The following PCNT variants were observed in gnomAD, a reference collection of about 807,000 sequenced individuals.
PCNT encodes the protein pericentrin, also known as kendrin.
PCNT carries 319 observed loss-of-function variants against 380.4 expected under a neutral mutation model. The observed-to-expected ratio is 0.84, with a 90% CI of 0.77 to 0.92. The LOEUF (loss-of-function observed/expected upper bound fraction) is 0.92, where lower values mean the gene tolerates loss of function less well. PCNT is among the 40% of genes least tolerant of loss of function. PCNT has a pLI of 0.00. For synonymous variants in PCNT, 1,845 were observed against 1,735.2 expected, an observed-to-expected ratio of 1.06 and a Z score of -1.57; for missense variants, 4,400 against 4,255.3, an observed-to-expected ratio of 1.03 and a Z score of -0.95.
At chr21:46,358,506 G>A (rs971235871) in intron 13 of PCNT, among the ~76,000 whole-genome samples, 6 of 152,270 alleles carry the variant, frequency 3.9e-5, no homozygotes, top group East Asian at 1.9e-4. Flanking sequence ...CAGGCGGTAG[G>A]TGGGCCGATG....
intron 13 of PCNT, among the ~76,000 whole-genome samples, chr21:46,360,520 C>CTT (rs35679282): frequency 0.034 from 4,109 of 122,618 alleles, 160 homozygotes; most frequent in Non-Finnish European, 0.042. Flanking sequence ...ACTGCGCCGG[C>CTT]TTTTTTTTTT....
At position 46,346,143 on chromosome 21, in the gene PCNT, T is replaced by C. The variant is rs148896544; in HGVS notation, c.655T>C (p.Cys219Arg). The change falls in exon 4 of 47, where the codon TGT (cysteine) becomes CGT (arginine). Residue 219 changes from cysteine to arginine, a missense_variant. Coordinates refer to ENST00000359568, the MANE Select transcript of PCNT (RefSeq NM_006031.6). ...TTTTCCCCAGGAGTGTGAACAAGAA[T>C]GTGAACTTGCCATTACTGACCTGGA... ...GMFTKECEQE[C>R]ELAITDLESG... 6 of 1,614,046 alleles carry C rather than the reference T, an allele frequency of 3.7e-6. No individual in the cohort carries two copies. The Admixed American group carries it at 1.0e-4, about 27-fold the overall frequency.
chr21:46,430,323 G>GGGCCGCAGTTGGGC, intron 36 of PCNT, 91 bp downstream of exon 36: 2 of 1,425,510 alleles, frequency 1.4e-6, no homozygotes, highest in Non-Finnish European at 1.9e-6. Flanking sequence ...AACCTCTGGT[G>GGGCCGCAGTTGGGC]GGCCGCAGTT....
chr21:46,356,746 T>C (rs1314813858), intron 12 of PCNT, among the ~76,000 whole-genome samples: 1 of 152,210 alleles, frequency 6.6e-6, no homozygotes, highest in Non-Finnish European at 1.5e-5. Context: ...AGGACATCCC[T>C]GTGACTCGGG....
In PCNT at chr21:46,437,063, C is replaced by A; in HGVS notation, c.9081C>A (p.Ser3027Arg). 1.9e-6 allele frequency: 3 copies of A among 1,613,622 alleles called. No individual in the cohort carries two copies. In the South Asian group the frequency reaches 3.3e-5, roughly 18 times the overall value. Residue 3027 changes from serine to arginine, a missense_variant, in exon 40 of 47, where the codon AGC becomes AGA. Coordinates refer to ENST00000359568, the MANE Select transcript of PCNT (RefSeq NM_006031.6). ...HTLEELKSDLSRPTSSQKKMA... is the reference protein window; with the variant it reads ...HTLEELKSDLRRPTSSQKKMA... ...TGGAGGAGCTGAAGTCTGACTTGAG[C>A]AGGCCCACCTCCTCCCAGGTAAGGG...
chr21:46,402,601 C>T, intron 27 of PCNT, 118 bp downstream of exon 27: 1 of 1,075,942 alleles, frequency 9.3e-7, no homozygotes, highest in Non-Finnish European at 1.4e-6. Context: ...GCCCGTGGCC[C>T]CCATGTGGCA....
intron 16 of PCNT, among the ~76,000 whole-genome samples, chr21:46,385,574 C>T (rs2085801008): frequency 6.6e-6 from 1 of 152,202 alleles, no homozygotes; most frequent in South Asian, 2.1e-4. Flanking sequence ...ATCAGCACCT[C>T]GTTCACCTTT....
intron 42 of PCNT, 86 bp from the exon 43 acceptor site, chr21:46,440,769 G>A: frequency 1.2e-6 from 1 of 852,570 alleles, no homozygotes; most frequent in East Asian, 2.4e-5. Context: ...CTGACTCTTT[G>A]GAAAGAGCAA....
At position 46,445,607 on chromosome 21, in the gene PCNT, A is replaced by G. The variant is rs1261702940; in HGVS notation, c.*280A>G. The G allele has an allele frequency of 3.8e-5, 18 of 470,782 alleles. No homozygotes were observed. Among genetic ancestry groups the G allele is most frequent in the African/African-American group, 1.9e-5 (1 of 51,620 alleles). The allele number at this position is 470,782 out of a possible 1,614,324, so 29.2% of individuals were successfully genotyped here. The stretch of plus-strand genomic sequence containing the variant: ...CCTGGCTGTGTGCTGTTGTGTGCCT[A>G]TCGGCAGATCCATCCTTCCTGCCTC... On this transcript the variant is annotated 3_prime_UTR_variant, in exon 47 of 47. Coordinates refer to ENST00000359568, the MANE Select transcript of PCNT (RefSeq NM_006031.6).
chr21:46,338,356 G>C (rs1283312837), intron 3 of PCNT, among the ~76,000 whole-genome samples: 1 of 152,072 alleles, frequency 6.6e-6, no homozygotes, highest in Non-Finnish European at 1.5e-5. Context: ...TTTGTTCTAT[G>C]GTTTTGCCTT....
chr21:46,358,609 GTTGTTGTT>G (rs1188714845), intron 13 of PCNT, among the ~76,000 whole-genome samples: 4 of 150,274 alleles, frequency 2.7e-5, no homozygotes, highest in South Asian at 4.2e-4. Flanking sequence ...TTTTGTTGTT[GTTGTTGTT>G]TTGTTGTTTT....
At chr21:46,330,305 G>A (rs1006140960) in intron 2 of PCNT, among the ~76,000 whole-genome samples, 1 of 152,070 alleles carries the variant, frequency 6.6e-6, no homozygotes, top group Non-Finnish European at 1.5e-5. Flanking sequence ...AATTTGTAGA[G>A]ACAGTGTTAC....
rs1224309152 is a variant in PCNT at position 46,395,941 on chromosome 21, TAG to T, written c.4217-1320_4217-1319del. Among the ~76,000 whole-genome samples, 4 of 151,608 alleles carry T rather than the reference TAG, an allele frequency of 2.6e-5. No homozygotes were observed. In the East Asian group the frequency reaches 7.8e-4, roughly 29 times the overall value. On this transcript the variant is annotated intron_variant, in intron 21 of 46. Transcript: ENST00000359568. ...CATCTCAGAAATAATAGTAATAAAATAGAGACTTCAGGACTCAGCAGCAGGCA... is the reference window on the plus strand; with the variant it reads ...CATCTCAGAAATAATAGTAATAAAATAGACTTCAGGACTCAGCAGCAGGCA...
At chr21:46,358,623 GTTTTGTTTTTTTT>G (rs900975764) in intron 13 of PCNT, among the ~76,000 whole-genome samples, 5 of 128,094 alleles carry the variant, frequency 3.9e-5, no homozygotes, top group Non-Finnish European at 8.5e-5. Flanking sequence ...TTGTTTTGTT[GTTTTGTTTTTTTT>G]TTTTTTGAGA....
At chr21:46,411,027 T>A (rs757554259) in intron 27 of PCNT, among the ~76,000 whole-genome samples, 162 bp from the exon 28 acceptor site, 2 of 152,196 alleles carry the variant, frequency 1.3e-5, no homozygotes, top group African/African-American at 2.4e-5. Context: ...AAGGTGGGTG[T>A]GGAGTGCATC....
intron 27 of PCNT, among the ~76,000 whole-genome samples, chr21:46,408,721 T>G (rs1346906612): frequency 1.3e-4 from 6 of 45,058 alleles, no homozygotes; most frequent in Non-Finnish European, 2.8e-4. Context: ...TTCAGAAAGT[T>G]TTTTTTTTTT....
chr21:46,399,619 A>C lies in PCNT; in HGVS notation c.4614A>C (p.Glu1538Asp). Reference sequence around the variant, plus strand: ...AGTTGTTACAACAAAAGTTGAGAGAAAAGTTGGATGAATTTAATGAATTGG... The same window carrying C: ...AGTTGTTACAACAAAAGTTGAGAGACAAGTTGGATGAATTTAATGAATTGG... ...EVELLQQKLR[E>D]KLDEFNELAI... is the part of the protein sequence containing the mutation. The change falls in exon 25 of 47, where the codon GAA (glutamate) becomes GAC (aspartate). Residue 1538 changes from glutamate to aspartate, a missense_variant. By Grantham distance (45) the Glu-to-Asp change is conservative (BLOSUM62 2). Coordinates refer to ENST00000359568, the MANE Select transcript of PCNT (RefSeq NM_006031.6). The C allele has an allele frequency of 5.0e-6, 8 of 1,613,744 alleles. No homozygotes were observed. The highest frequency in any genetic ancestry group is 6.8e-6 in the Non-Finnish European group (8 of 1,179,612).
rs1284571874 is a variant in PCNT, at chr21:46,416,555, A to G, written c.6637A>G (p.Lys2213Glu). 5.0e-6 allele frequency: 8 copies of G among 1,612,800 alleles called. No individual in the cohort carries two copies. The highest frequency in any genetic ancestry group is 1.3e-5 in the African/African-American group (1 of 74,838). ...QSHTAEAGPRKSPVGMLDLSS... is the reference protein window; with the variant it reads ...QSHTAEAGPRESPVGMLDLSS... ...CCACACTGCAGAGGCTGGGCCCCGG[A>G]AGAGCCCGGTCGGGATGCTGGACCT... Residue 2213 changes from lysine (K) to glutamate (E), a missense_variant, in exon 30 of 47, where the codon AAG (lysine) becomes GAG (glutamate). Transcript: ENST00000359568.
intron 1 of PCNT, among the ~76,000 whole-genome samples, chr21:46,325,716 CTT>C (rs2083370932): frequency 6.6e-6 from 1 of 152,132 alleles, no homozygotes; most frequent in African/African-American, 2.4e-5. Context: ...TCGCATACCT[CTT>C]GAGTAAGACG....
Sources: gnomAD v4.1 joint callset for allele counts (sites outside exome capture counted in the v4.1 genomes callset) on GRCh38, gnomAD v4.1.1 for gene constraint, MANE v1.5 for transcripts, NCBI Gene and HGNC (gene_info 2026-07-23, HGNC 2026-07-21) for gene names.